GRIP1: variants seen among roughly 807,000 people sequenced by gnomAD.
GRIP1 encodes the protein glutamate receptor interacting protein 1.
A neutral mutation model predicts 129.9 loss-of-function variants in GRIP1; 45 were observed. The ratio of observed to expected loss-of-function variants is 0.35; its 90% CI spans 0.27 to 0.44. The LOEUF (loss-of-function observed/expected upper bound fraction) is 0.44, where lower values mean the gene tolerates loss of function less well. Among genes scored for constraint, GRIP1 ranks in the 20% least tolerant of loss-of-function variants. GRIP1 has a pLI of 1.00. For synonymous variants in GRIP1, 530 were observed against 520.8 expected (o/e 1.02, Z -0.24); for missense variants, 1,196 against 1,396.8 (o/e 0.86, Z 2.29).
At chr12:66,817,132 C>A (rs896945091) in intron 1 of GRIP1, among the ~76,000 whole-genome samples, 4 of 150,694 alleles carry the variant, frequency 2.7e-5, no homozygotes, top group Non-Finnish European at 5.9e-5. Context: ...CACTCTTATG[C>A]CAGTATGACT....
chr12:66,974,077 A>G (rs997976710), intron 1 of GRIP1, among the ~76,000 whole-genome samples: 1 of 151,796 alleles, frequency 6.6e-6, no homozygotes, highest in African/African-American at 2.4e-5. Context: ...GGCGCCTGCC[A>G]ACACGCCCAA....
chr12:66,782,966 A>T (rs1449302288), intron 1 of GRIP1, among the ~76,000 whole-genome samples: 1 of 152,186 alleles, frequency 6.6e-6, no homozygotes, highest in Non-Finnish European at 1.5e-5. Context: ...TGAGATTTTA[A>T]CCAAGGGGCA....
chr12:66,820,896 A>G (rs893283424), intron 1 of GRIP1, among the ~76,000 whole-genome samples: 2 of 152,146 alleles, frequency 1.3e-5, no homozygotes, highest in African/African-American at 4.8e-5. Context: ...TTTTTAGGAC[A>G]CTGGGATTAT....
chr12:66,673,753 C>T (rs1022931555), intron 1 of GRIP1, among the ~76,000 whole-genome samples: 5 of 152,168 alleles, frequency 3.3e-5, no homozygotes, highest in East Asian at 3.8e-4. Flanking sequence ...GCAGCACTTG[C>T]GCGAGAACAA....
intron 1 of GRIP1, among the ~76,000 whole-genome samples, chr12:66,698,727 T>C (rs754996982): frequency 1.1e-4 from 17 of 152,136 alleles, no homozygotes; most frequent in Non-Finnish European, 2.4e-4. Context: ...TTAATATGAA[T>C]CTACCTATCG....
At chr12:66,765,282 G>A (rs1490292070) in intron 1 of GRIP1, among the ~76,000 whole-genome samples, 1 of 152,182 alleles carries the variant, frequency 6.6e-6, no homozygotes, top group African/African-American at 2.4e-5. Flanking sequence ...ACTGCAGGAA[G>A]CATATTTTTT....
intron 1 of GRIP1, among the ~76,000 whole-genome samples, chr12:66,912,992 A>G (rs1003420143): frequency 6.6e-6 from 1 of 152,186 alleles, no homozygotes; most frequent in African/African-American, 2.4e-5. Flanking sequence ...AATACCAAAC[A>G]TGAATGTGCA....
rs186830142 is a variant in GRIP1, at chr12:66,742,181, T to A, written c.-420+61872A>T. 1.9e-3 allele frequency among the ~76,000 whole-genome samples: 285 copies of A among 152,314 alleles called. 2 individuals carry two copies. The highest frequency in any genetic ancestry group is 2.9e-3 in the Non-Finnish European group (198 of 68,028). On this transcript the variant is annotated intron_variant, in intron 1 of 4. Transcript: ENST00000538373. ...ACTGAAAACTCCATAAAGTTTCCTC[T>A]CTGAGAGGTCTGGTGTTTCTTTCTG...
chr12:67,013,591 G>A (rs1394752999), intron 1 of GRIP1, among the ~76,000 whole-genome samples: 1 of 152,128 alleles, frequency 6.6e-6, no homozygotes, highest in African/African-American at 2.4e-5. Flanking sequence ...TTACAGGAGG[G>A]CCTTTTGAAC....
chr12:66,396,878 AGGTG>A (rs1005692090), intron 16 of GRIP1, among the ~76,000 whole-genome samples: 99 of 152,064 alleles, frequency 6.5e-4, no homozygotes, highest in African/African-American at 2.3e-3. Context: ...TGGGAGGCCA[AGGTG>A]GGTGGACCAC....
chr12:67,002,778 T>G (rs760657394), intron 1 of GRIP1, among the ~76,000 whole-genome samples: 10 of 152,328 alleles, frequency 6.6e-5, no homozygotes, highest in Non-Finnish European at 1.5e-4. Context: ...TTTTCTTTCC[T>G]TTCTTTCCTT....
chr12:66,643,784 G>A (rs1166351719), intron 1 of GRIP1, among the ~76,000 whole-genome samples: 1 of 152,048 alleles, frequency 6.6e-6, no homozygotes, highest in African/African-American at 2.4e-5. Context: ...GGCTGGTCTT[G>A]AACTCCTGGG....
At chr12:67,005,724 T>C (rs1413064433) in intron 1 of GRIP1, among the ~76,000 whole-genome samples, 3 of 152,180 alleles carry the variant, frequency 2.0e-5, no homozygotes, top group Non-Finnish European at 4.4e-5. Context: ...CCTCACGACC[T>C]TCCTGGGAGG....
At chr12:66,697,236 A>T (rs2035196775) in intron 1 of GRIP1, among the ~76,000 whole-genome samples, 1 of 152,132 alleles carries the variant, frequency 6.6e-6, no homozygotes, top group Non-Finnish European at 1.5e-5. Context: ...CCTATCTCAA[A>T]CTCCATCCTT....
intron 1 of GRIP1, among the ~76,000 whole-genome samples, chr12:66,791,916 A>G (rs562131684): frequency 6.6e-6 from 1 of 152,292 alleles, no homozygotes; most frequent in South Asian, 2.1e-4. Context: ...GGGAACATGC[A>G]GCATTTGATT....
At chr12:66,456,426 C>G (rs2058966626) in intron 9 of GRIP1, 84 bp from the exon 10 acceptor site, 3 of 646,850 alleles carry the variant, frequency 4.6e-6, no homozygotes, top group Admixed American at 3.1e-5. Context: ...AACTGAATTG[C>G]CCAAATTAAA....
intron 1 of GRIP1, among the ~76,000 whole-genome samples, chr12:66,907,586 AG>A (rs1183578941): frequency 6.6e-6 from 1 of 152,138 alleles, no homozygotes; most frequent in Non-Finnish European, 1.5e-5. Context: ...AGGTAAAAGG[AG>A]GAGCAAGAGT....
intron 1 of GRIP1, among the ~76,000 whole-genome samples, chr12:66,970,724 T>C (rs2042063659): frequency 6.6e-6 from 1 of 152,072 alleles, no homozygotes; most frequent in African/African-American, 2.4e-5. Context: ...TTTCTTAGGA[T>C]TACATCTCAA....
chr12:66,696,512 C>A lies in GRIP1; in HGVS notation c.-419-66176G>T, dbSNP rs139923555. Among the ~76,000 whole-genome samples the A allele has an allele frequency of 9.2e-5, 14 of 152,068 alleles. No individual in the cohort carries two copies. The East Asian group carries it at 2.7e-3, about 29-fold the overall frequency. ...TAAAAAGAATTATGGTTAGGCCAGG[C>A]GTGGTGGCTCTCGTCTGTAATCCCA... On this transcript the variant is annotated intron_variant, in intron 1 of 4. Transcript: ENST00000538373.
Sources: gnomAD v4.1 joint callset for allele counts (sites outside exome capture counted in the v4.1 genomes callset) on GRCh38, gnomAD v4.1.1 for gene constraint, MANE v1.5 for transcripts, NCBI Gene and HGNC (gene_info 2026-07-23, HGNC 2026-07-21) for gene names.